The following VCPKMT variants were observed in gnomAD, a reference collection of about 807,000 sequenced individuals.
The protein encoded by VCPKMT is valosin containing protein lysine methyltransferase.
In VCPKMT, 32 loss-of-function variants were observed where a neutral mutation model predicts 28.6. The ratio of observed to expected loss-of-function variants is 1.12; its 90% CI spans 0.84 to 1.50. The LOEUF (loss-of-function observed/expected upper bound fraction) is 1.50. Among genes scored for constraint, VCPKMT ranks in the 40% most tolerant of loss-of-function variants. VCPKMT has a pLI of 0.00. For missense variants in VCPKMT, 366 were observed against 285.0 expected, an observed-to-expected ratio of 1.28 and a Z score of -2.05; for synonymous variants, 138 against 111.4, an observed-to-expected ratio of 1.24 and a Z score of -1.50.
intron 5 of VCPKMT, chr14:50,111,263 A>G: frequency 1.0e-6 from 1 of 985,334 alleles, no homozygotes; most frequent in Non-Finnish European, 1.2e-6. Context: ...AAACTGCACA[A>G]CAGCTTCAGT....
Position 50,109,498 on chromosome 14 carries a change from C to A in VCPKMT, c.*201G>T. 1.5e-6 allele frequency: 2 copies of A among 1,312,734 alleles called. No individual in the cohort carries two copies. Among genetic ancestry groups the A allele is most frequent in the Non-Finnish European group, 1.9e-6 (2 of 1,034,740 alleles). 81.3% of individuals were successfully genotyped at this position (1,312,734 alleles called of 1,614,324 possible). A position where few individuals can be genotyped will look rare whatever the true frequency, so the allele number is the denominator to read the frequency against. The stretch of plus-strand genomic sequence containing the variant: ...TAAGTAACCTAAGCTGGATTCAGGG[C>A]CATTGGCAGGCAGGCAGGCAAGCAG... On this transcript the variant is annotated 3_prime_UTR_variant, in exon 6 of 6. Coordinates refer to ENST00000395860, the MANE Select transcript of VCPKMT (RefSeq NM_024558.3).
chr14:50,112,393 G>GAAAAAAAAA (rs1491164359), intron 5 of VCPKMT, among the ~76,000 whole-genome samples: 1 of 56,414 alleles, frequency 1.8e-5, no homozygotes, highest in Non-Finnish European at 3.2e-5. Context: ...TAAAAAATAC[G>GAAAAAAAAA]AGAAAAAAAA....
In VCPKMT at chr14:50,111,847, C is replaced by T. The variant is rs112326050; in HGVS notation, c.675+768G>A. On this transcript the variant is annotated intron_variant, in intron 5 of 5. Coordinates refer to ENST00000395860, the MANE Select transcript of VCPKMT (RefSeq NM_024558.3). ...GAGGCTGCAGCAAGCCGAGATTGCA[C>T]CACTGTACTCCAGCCTGGATGACAG... 6.2e-4 allele frequency: 573 copies of T among 924,192 alleles called. 3 individuals carry two copies. In the African/African-American group the frequency reaches 9.1e-3, roughly 15 times the overall value. The allele number at this position is 924,192 out of a possible 1,614,324, so 57.2% of individuals were successfully genotyped here. A position where few individuals can be genotyped will look rare whatever the true frequency, so the allele number is the denominator to read the frequency against.
chr14:50,113,802 GGGGGGGGTGA>G (rs1882886495), intron 4 of VCPKMT, among the ~76,000 whole-genome samples: 1 of 90,544 alleles, frequency 1.1e-5, no homozygotes, highest in Admixed American at 1.0e-4. Context: ...GGCGGGGGGG[GGGGGGGGTGA>G]CACTGAGGCA....
At chr14:50,106,026 G>A (rs765073727), downstream of VCPKMT, among the ~76,000 whole-genome samples, 11 of 152,232 alleles carry the variant, frequency 7.2e-5, no homozygotes, top group African/African-American at 2.6e-4. Flanking sequence ...ATTCACAGAT[G>A]GTTTGCTTTT....
intron 4 of VCPKMT, 59 bp from the exon 5 acceptor site, chr14:50,112,778 C>A: frequency 8.3e-7 from 1 of 1,201,970 alleles, no homozygotes; most frequent in Non-Finnish European, 1.2e-6. Context: ...CTGTGGGTGA[C>A]AGAAGTCAGA....
intron 4 of VCPKMT, among the ~76,000 whole-genome samples, chr14:50,113,809 G>GGGGGGGGGGGGGGGGGGGGT (rs1566807810): frequency 2.5e-5 from 1 of 39,780 alleles, no homozygotes. Flanking sequence ...GGGGGGGGGG[G>GGGGGGGGGGGGGGGGGGGGT]TGACACTGAG....
At chr14:50,110,111 G>A (rs933646170) in intron 5 of VCPKMT, among the ~76,000 whole-genome samples, 1 of 152,080 alleles carries the variant, frequency 6.6e-6, no homozygotes, top group Admixed American at 6.5e-5. Flanking sequence ...GCTGGGCGTC[G>A]TGGCACATGC....
At position 50,108,761 on chromosome 14, in the gene VCPKMT, T is replaced by C. The variant is rs1882440190; in HGVS notation, c.*938A>G. 5.1e-6 allele frequency: 5 copies of C among 985,730 alleles called. No homozygotes were observed. The South Asian group carries it at 1.4e-4, about 28-fold the overall frequency. 61.1% of individuals were successfully genotyped at this position (985,730 alleles called of 1,614,324 possible). On this transcript the variant is annotated 3_prime_UTR_variant, in exon 6 of 6. Coordinates refer to ENST00000395860, the MANE Select transcript of VCPKMT (RefSeq NM_024558.3). ...TATGATTAAAGTCCTTGACAGATTA[T>C]TGTATATGAGCGAATGGCTTCATAA... is the stretch of plus-strand genomic sequence containing the variant.
At chr14:50,103,244 CA>C in the VCPKMT span, among the ~76,000 whole-genome samples, 1 of 151,206 alleles carries the variant, frequency 6.6e-6, no homozygotes, top group African/African-American at 2.5e-5. Flanking sequence ...TAGTAAAAGA[CA>C]TGGTCAGTTA....
downstream of VCPKMT, chr14:50,106,728 G>T (rs531435574): frequency 2.1e-5 from 17 of 804,280 alleles, no homozygotes; most frequent in Middle Eastern, 6.4e-4. Context: ...CTGCGGTTTT[G>T]TTTTTTTGAG....
chr14:50,107,553 A>G (rs1476434741), downstream of VCPKMT, among the ~76,000 whole-genome samples: 1 of 152,144 alleles, frequency 6.6e-6, no homozygotes, highest in Non-Finnish European at 1.5e-5. Flanking sequence ...ACCTCAGGAG[A>G]TCCGTCTGCC....
intron 3 of VCPKMT, among the ~76,000 whole-genome samples, chr14:50,114,649 A>G (rs1882974719): frequency 6.6e-6 from 1 of 152,172 alleles, no homozygotes; most frequent in South Asian, 2.1e-4. Context: ...CAGCCTGGAG[A>G]ATACAGCGAG....
intron 5 of VCPKMT, chr14:50,111,492 T>C: frequency 3.0e-6 from 3 of 985,430 alleles, no homozygotes; most frequent in Non-Finnish European, 3.6e-6. Flanking sequence ...AGAAAAAGTG[T>C]GGGCTTATTG....
chr14:50,111,753 G>A (rs1882677200), intron 5 of VCPKMT: 2 of 589,502 alleles, frequency 3.4e-6, no homozygotes, highest in Non-Finnish European at 2.1e-6. Flanking sequence ...GGGCATGGTG[G>A]TGCATGCCTA....
chr14:50,103,766 A>G (rs1292910021), downstream of VCPKMT, among the ~76,000 whole-genome samples: 1 of 152,150 alleles, frequency 6.6e-6, no homozygotes, highest in African/African-American at 2.4e-5. Flanking sequence ...CTCCCATCCC[A>G]GCTGCCATTC....
Position 50,109,595 on chromosome 14 carries a change from A to T in VCPKMT, c.*104T>A. 1.4e-6 allele frequency: 2 copies of T among 1,468,056 alleles called. No individual in the cohort carries two copies. The highest frequency in any genetic ancestry group is 1.8e-6 in the Non-Finnish European group (2 of 1,112,538). 90.9% of individuals were successfully genotyped at this position (1,468,056 alleles called of 1,614,324 possible). On this transcript the variant is annotated 3_prime_UTR_variant, in exon 6 of 6. Coordinates refer to ENST00000395860, the MANE Select transcript of VCPKMT (RefSeq NM_024558.3). ...TCGGATCTCTAAGGACGTGCCGGAA[A>T]AAAAAATCTGTGAACACAATCTTCC...
At chr14:50,114,715 TG>T (rs1365686308) in intron 3 of VCPKMT, among the ~76,000 whole-genome samples, 2 of 152,204 alleles carry the variant, frequency 1.3e-5, no homozygotes, top group African/African-American at 4.8e-5. Context: ...GCCAGCATGC[TG>T]GTGCACACCT....
At position 50,109,093 on chromosome 14, in the gene VCPKMT, G is replaced by C. The variant is rs1002400306; in HGVS notation, c.*606C>G. The C allele has an allele frequency of 1.8e-4, 172 of 975,512 alleles. No homozygotes were observed. The African/African-American group carries it at 2.7e-3, about 16-fold the overall frequency. 60.4% of individuals were successfully genotyped at this position (975,512 alleles called of 1,614,324 possible). A position where few individuals can be genotyped will look rare whatever the true frequency, so the allele number is the denominator to read the frequency against. The stretch of plus-strand genomic sequence containing the variant: ...TTTACTGATTAAATCACATAGATAT[G>C]TATGGTGGAGGAAAAGAAAACTTTG... On this transcript the variant is annotated 3_prime_UTR_variant, in exon 6 of 6. Coordinates refer to ENST00000395860, the MANE Select transcript of VCPKMT (RefSeq NM_024558.3).
Sources: allele counts gnomAD v4.1 joint callset (sites outside exome capture counted in the v4.1 genomes callset), GRCh38; gene constraint gnomAD v4.1.1; transcripts MANE v1.5; gene names NCBI Gene and HGNC (gene_info 2026-07-23, HGNC 2026-07-21).